Variants in RNF43 observed in about 807,000 individuals in gnomAD.
The protein encoded by RNF43 is E3 ubiquitin-protein ligase RNF43.
In RNF43, 37 loss-of-function variants were observed where a neutral mutation model predicts 78.4. The ratio of observed to expected loss-of-function variants is 0.47; its 90% CI spans 0.36 to 0.62. The LOEUF (loss-of-function observed/expected upper bound fraction) is 0.62. RNF43 is among the 20% of genes least tolerant of loss of function. The pLI, the probability that RNF43 is intolerant of heterozygous loss-of-function variation, is 0.00. For synonymous variants in RNF43, 347 were observed against 395.0 expected (o/e 0.88, Z 1.44); for missense variants, 774 against 1,007.9 (o/e 0.77, Z 3.14).
At chr17:58,366,317 T>C (rs1013442230) in intron 3 of RNF43, among the ~76,000 whole-genome samples, 2 of 152,120 alleles carry the variant, frequency 1.3e-5, no homozygotes, top group African/African-American at 4.8e-5. Context: ...TACTTTGAGG[T>C]AGGGGTGGGG....
intron 2 of RNF43, among the ~76,000 whole-genome samples, chr17:58,375,507 G>T (rs1321223889): frequency 6.6e-6 from 1 of 152,170 alleles, no homozygotes; most frequent in African/African-American, 2.4e-5. Flanking sequence ...CTCTTCTCCA[G>T]ATGATGACTG....
At chr17:58,392,046 A>T (rs1041107598) in intron 2 of RNF43, among the ~76,000 whole-genome samples, 1 of 152,240 alleles carries the variant, frequency 6.6e-6, no homozygotes, top group Non-Finnish European at 1.5e-5. Context: ...TAGAGCAAGC[A>T]GCCCCTAAGA....
chr17:58,367,250 C>G (rs531196719), intron 3 of RNF43, among the ~76,000 whole-genome samples: 79 of 152,292 alleles, frequency 5.2e-4, no homozygotes, highest in Non-Finnish European at 7.4e-4. Flanking sequence ...CCACCTGCCT[C>G]AGCCTCTGAA....
rs1972647467 is a variant in RNF43, at chr17:58,354,733, GT to G, written c.*209del. 1.7e-6 allele frequency: 1 copy of G among 596,188 alleles called. No individual in the cohort carries two copies. The highest frequency in any genetic ancestry group is 1.8e-5 in the African/African-American group (1 of 54,180). The allele number at this position is 596,188 out of a possible 1,614,324, so 36.9% of individuals were successfully genotyped here. ...GACATGGATTTGCTGCACTGCAGAT[GT>G]TTTCTGCAGACAAGGTCTGGAGCTG... is the stretch of plus-strand genomic sequence containing the variant. On this transcript the variant is annotated 3_prime_UTR_variant, in exon 10 of 10. Coordinates refer to ENST00000407977, the MANE Select transcript of RNF43 (RefSeq NM_017763.6).
chr17:58,406,160 A>G (rs1973908428), intron 2 of RNF43, among the ~76,000 whole-genome samples: 1 of 152,182 alleles, frequency 6.6e-6, no homozygotes, highest in African/African-American at 2.4e-5. Flanking sequence ...CTTATTTTAA[A>G]GTATGCCTGT....
chr17:58,415,706 G>T lies in RNF43; in HGVS notation c.-129C>A. 5 of 1,126,374 alleles carry T rather than the reference G, an allele frequency of 4.4e-6. No homozygotes were observed. Among genetic ancestry groups the T allele is most frequent in the African/African-American group, 3.1e-5 (2 of 64,420 alleles). 69.8% of individuals were successfully genotyped at this position (1,126,374 alleles called of 1,614,324 possible). On this transcript the variant is annotated 5_prime_UTR_variant, in exon 2 of 10. Coordinates refer to ENST00000407977, the MANE Select transcript of RNF43 (RefSeq NM_017763.6). ...TGCTTCCGTTTCAGAAAGCCAAGTC[G>T]TAGTTTTGGCCCTTCCTTTCTCTAA...
At chr17:58,362,487 C>T (rs1188841899) in intron 6 of RNF43, 57 bp downstream of exon 6, 7 of 1,313,196 alleles carry the variant, frequency 5.3e-6, no homozygotes, top group Admixed American at 2.1e-5. Flanking sequence ...TTCTCCCTAA[C>T]CACCCACCCA....
rs1454669957 is a variant in RNF43, at chr17:58,354,132, C to T, written c.*811G>A. On this transcript the variant is annotated 3_prime_UTR_variant, in exon 10 of 10. Coordinates refer to ENST00000407977, the MANE Select transcript of RNF43 (RefSeq NM_017763.6). ...CCAGAGAAGAACTCTTTGTTGTCCC[C>T]GCTCAGCTGTAATTCTGCCTTTTCT... 12 of 200,132 alleles carry T rather than the reference C, an allele frequency of 6.0e-5. No homozygotes were observed. The highest frequency in any genetic ancestry group is 1.1e-4 in the Non-Finnish European group (11 of 96,862). 12.4% of individuals were successfully genotyped at this position (200,132 alleles called of 1,614,324 possible).
intron 6 of RNF43, 81 bp downstream of exon 6, chr17:58,362,463 C>T (rs1972856040): frequency 1.0e-6 from 1 of 990,272 alleles, no homozygotes; most frequent in Admixed American, 2.4e-5. Flanking sequence ...GTGCCTTCTT[C>T]ACGTACTCCT....
At chr17:58,376,427 A>C (rs552705994) in intron 2 of RNF43, among the ~76,000 whole-genome samples, 1 of 152,222 alleles carries the variant, frequency 6.6e-6, no homozygotes, top group Non-Finnish European at 1.5e-5. Context: ...TATCTGTGGT[A>C]TGACAATCAT....
At chr17:58,384,380 G>A (rs1280215137) in intron 2 of RNF43, among the ~76,000 whole-genome samples, 1 of 152,154 alleles carries the variant, frequency 6.6e-6, no homozygotes, top group African/African-American at 2.4e-5. Context: ...AGGGCAATGA[G>A]GATCAATAGC....
chr17:58,396,684 G>GTAGCTT (rs1164458205), intron 2 of RNF43, among the ~76,000 whole-genome samples: 1 of 152,126 alleles, frequency 6.6e-6, no homozygotes, highest in African/African-American at 2.4e-5. Flanking sequence ...CTTAGAGTTA[G>GTAGCTT]TAGCTTCCTC....
chr17:58,362,199 A>G (rs1382160919), intron 6 of RNF43, among the ~76,000 whole-genome samples: 1 of 152,050 alleles, frequency 6.6e-6, no homozygotes, highest in East Asian at 1.9e-4. Context: ...ATCACCATCT[A>G]AAACATTATA....
chr17:58,385,410 A>C (rs572371286), intron 2 of RNF43, among the ~76,000 whole-genome samples: 1 of 152,104 alleles, frequency 6.6e-6, no homozygotes, highest in African/African-American at 2.4e-5. Flanking sequence ...AACTTAACCT[A>C]TTTCAGTTAA....
chr17:58,400,798 A>C (rs1006309283), intron 2 of RNF43, among the ~76,000 whole-genome samples: 4 of 152,132 alleles, frequency 2.6e-5, no homozygotes, highest in African/African-American at 9.7e-5. Flanking sequence ...TAATTATTTG[A>C]TTGGTGATAG....
chr17:58,352,535 A>G, downstream of RNF43: 1 of 223,892 alleles, frequency 4.5e-6, no homozygotes, highest in Non-Finnish European at 8.9e-6. Context: ...CTGTTCCCCG[A>G]TGGTAACCCG....
rs1320785693 is a variant in RNF43, at chr17:58,370,945, C to A, written c.341G>T (p.Arg114Leu). 8 of 1,608,808 alleles carry A rather than the reference C, an allele frequency of 5.0e-6. No individual in the cohort carries two copies. Among genetic ancestry groups the A allele is most frequent in the Non-Finnish European group, 6.8e-6 (8 of 1,177,078 alleles). ...CAGTGACAGGCAGGGGCGGGGGGCC[C>A]GTCGAGGACTCTCCAGCTTGACGAT... ...ISIVKLESPRRAPRPCLSLAS... is the reference protein window; with the variant it reads ...ISIVKLESPRLAPRPCLSLAS... The change falls in exon 3 of 10, where the codon CGG becomes CTG. Residue 114 changes from arginine (R) to leucine (L), a missense_variant. Coordinates refer to ENST00000407977, the MANE Select transcript of RNF43 (RefSeq NM_017763.6).
At chr17:58,363,446 C>A (rs779094793) in intron 4 of RNF43, 40 bp from the exon 5 acceptor site, 7 of 1,613,818 alleles carry the variant, frequency 4.3e-6, no homozygotes, top group Non-Finnish European at 5.9e-6. Flanking sequence ...TGTGACTTCT[C>A]CCTGCCCTTC....
rs2143429950 is a variant in RNF43 at position 58,358,875 on chromosome 17, A to G, written c.953-52T>C. 1 of 1,425,682 alleles carries G rather than the reference A, an allele frequency of 7.0e-7. No homozygotes were observed. Among genetic ancestry groups the G allele is most frequent in the Non-Finnish European group, 9.2e-7 (1 of 1,090,092 alleles). The allele number at this position is 1,425,682 out of a possible 1,614,324, so 88.3% of individuals were successfully genotyped here. A position where few individuals can be genotyped will look rare whatever the true frequency, so the allele number is the denominator to read the frequency against. On this transcript the variant is annotated intron_variant, in intron 8 of 9. Transcript: ENST00000407977. This position sits in a 1 kb window ranked among gnomAD's most constrained non-coding sequence, Gnocchi z 6.2. ...TGTTTAACTCTACAAACCTACAGAG[A>G]ATGCATTCAGAAAGACATGGCTGTA...
Sources: gnomAD v4.1 joint callset for allele counts (sites outside exome capture counted in the v4.1 genomes callset) on GRCh38, gnomAD v4.1.1 for gene constraint, Gnocchi (gnomAD v3.1) non-coding constraint, MANE v1.5 for transcripts, NCBI Gene and HGNC (gene_info 2026-07-23, HGNC 2026-07-21) for gene names.